Variants in FBXO10 observed in about 807,000 individuals in gnomAD.
FBXO10 encodes F-box only protein 10.
Under a neutral mutation model 80.7 loss-of-function variants are expected in FBXO10, and 39 were observed. The observed-to-expected ratio is 0.48, with a 90% confidence interval of 0.37 to 0.63. The LOEUF (loss-of-function observed/expected upper bound fraction) is 0.63, where lower values mean the gene tolerates loss of function less well. Among genes scored for constraint, FBXO10 ranks in the 30% least tolerant of loss-of-function variants. The pLI, the probability that FBXO10 is intolerant of heterozygous loss-of-function variation, is 0.00. For missense variants in FBXO10, 1,025 were observed against 1,269.0 expected (o/e 0.81, Z 2.92); for synonymous variants, 449 against 489.6 (o/e 0.92, Z 1.09).
At chr9:37,522,330 G>A in intron 7 of FBXO10, 8 of 998,988 alleles carry the variant, frequency 8.0e-6, no homozygotes, top group Non-Finnish European at 9.5e-6. Context: ...TGCATAGAAA[G>A]GGCTGAGTAG....
At chr9:37,519,393 G>T (rs954990965) in intron 8 of FBXO10, among the ~76,000 whole-genome samples, 1 of 152,194 alleles carries the variant, frequency 6.6e-6, no homozygotes, top group Non-Finnish European at 1.5e-5. Context: ...GAGCTCCATG[G>T]CTTGTCAGGA....
At chr9:37,556,516 G>A (rs1206077964) in intron 1 of FBXO10, among the ~76,000 whole-genome samples, 1 of 146,926 alleles carries the variant, frequency 6.8e-6, no homozygotes, top group East Asian at 2.0e-4. Context: ...AATCAGTTGA[G>A]GATATTTTTG....
intron 1 of FBXO10, among the ~76,000 whole-genome samples, chr9:37,554,993 T>C (rs953194113): frequency 2.6e-5 from 4 of 152,220 alleles, no homozygotes; most frequent in African/African-American, 4.8e-5. Context: ...AGAGAGGCTA[T>C]ACTATTTTAC....
At position 37,561,219 on chromosome 9, in the gene FBXO10, G is replaced by A. The variant is rs181719330; in HGVS notation, c.-7+14992C>T. On this transcript the variant is annotated intron_variant, in intron 1 of 10. Coordinates refer to ENST00000432825, the MANE Select transcript of FBXO10 (RefSeq NM_012166.3). The stretch of plus-strand genomic sequence containing the variant: ...TAAAGAAGTGAGGTCTCTCTGTGTT[G>A]CCCAGGCTGGAGTACAGTGGCAGGA... Among the ~76,000 whole-genome samples the A allele has an allele frequency of 3.9e-4, 54 of 138,572 alleles. No homozygotes were observed. The East Asian group carries it at 7.6e-3, about 19-fold the overall frequency. 90.9% of individuals were successfully genotyped at this position (138,572 alleles called of 152,430 possible).
chr9:37,549,738 C>T (rs943259258), intron 1 of FBXO10, among the ~76,000 whole-genome samples: 3 of 152,198 alleles, frequency 2.0e-5, no homozygotes, highest in Non-Finnish European at 2.9e-5. Context: ...TGAAGGAGAG[C>T]TCACTTGTTC....
chr9:37,559,751 T>G (rs1822430566), intron 1 of FBXO10, among the ~76,000 whole-genome samples: 1 of 152,216 alleles, frequency 6.6e-6, no homozygotes, highest in South Asian at 2.1e-4. Flanking sequence ...CTTGCTTTTC[T>G]CTGTGGCACA....
chr9:37,546,114 C>T (rs1822049280), intron 1 of FBXO10, among the ~76,000 whole-genome samples: 1 of 151,612 alleles, frequency 6.6e-6, no homozygotes. Flanking sequence ...CCACTGCACT[C>T]CAGCCAGAAC....
chr9:37,570,614 C>A (rs1028322472), intron 1 of FBXO10, among the ~76,000 whole-genome samples: 5 of 151,822 alleles, frequency 3.3e-5, no homozygotes, highest in Non-Finnish European at 7.4e-5. Flanking sequence ...CTACTAAAAC[C>A]AAAGAAGAAG....
At chr9:37,555,051 T>C (rs1822301439) in intron 1 of FBXO10, among the ~76,000 whole-genome samples, 3 of 151,282 alleles carry the variant, frequency 2.0e-5, no homozygotes, top group Admixed American at 2.0e-4. Flanking sequence ...ACATTTGTTG[T>C]GGTGTTTTTG....
chr9:37,570,643 TG>T (rs1330177832), intron 1 of FBXO10, among the ~76,000 whole-genome samples: 1 of 152,060 alleles, frequency 6.6e-6, no homozygotes, highest in Non-Finnish European at 1.5e-5. Flanking sequence ...AGCATTAAAA[TG>T]AAATCAGAAT....
chr9:37,556,830 C>T (rs1187476711), intron 1 of FBXO10, among the ~76,000 whole-genome samples: 1 of 152,128 alleles, frequency 6.6e-6, no homozygotes. Context: ...CAGGCGTGAG[C>T]CACCGCATCC....
intron 1 of FBXO10, among the ~76,000 whole-genome samples, chr9:37,570,798 T>C (rs1299912995): frequency 6.6e-6 from 1 of 152,138 alleles, no homozygotes; most frequent in Admixed American, 6.5e-5. Flanking sequence ...ATGGAGACCA[T>C]CCAGACCAAC....
chr9:37,575,957 G>A (rs1299542103), intron 1 of FBXO10, among the ~76,000 whole-genome samples: 2 of 152,216 alleles, frequency 1.3e-5, no homozygotes, highest in Non-Finnish European at 2.9e-5. Context: ...GTAGTTTTAC[G>A]GGAGGGTAAA....
intron 1 of FBXO10, among the ~76,000 whole-genome samples, chr9:37,560,959 G>A (rs1183514752): frequency 3.3e-5 from 5 of 152,066 alleles, no homozygotes; most frequent in Admixed American, 2.6e-4. Context: ...AGGCTAACAC[G>A]GTGAAACCCC....
intron 1 of FBXO10, among the ~76,000 whole-genome samples, chr9:37,556,416 C>G (rs555275297): frequency 1.7e-4 from 26 of 151,964 alleles, no homozygotes; most frequent in African/African-American, 6.0e-4. Flanking sequence ...TCTTTTTAGC[C>G]TATGGTTATC....
intron 5 of FBXO10, among the ~76,000 whole-genome samples, chr9:37,527,194 C>G (rs1476882358): frequency 6.6e-6 from 1 of 152,224 alleles, no homozygotes. Flanking sequence ...TCATAAGGGC[C>G]TGTGGTTACA....
chr9:37,528,497 A>G (rs1301761881), intron 5 of FBXO10, among the ~76,000 whole-genome samples: 1 of 151,934 alleles, frequency 6.6e-6, no homozygotes. Context: ...CCCTACCCCT[A>G]TCTCCATGAG....
intron 1 of FBXO10, among the ~76,000 whole-genome samples, chr9:37,572,621 A>G (rs898689163): frequency 6.6e-6 from 1 of 152,222 alleles, no homozygotes; most frequent in Admixed American, 6.5e-5. Flanking sequence ...TTGTTTAGGG[A>G]TATATACATA....
chr9:37,516,433 T>C (rs1364395684), intron 9 of FBXO10, among the ~76,000 whole-genome samples: 1 of 152,184 alleles, frequency 6.6e-6, no homozygotes, highest in Non-Finnish European at 1.5e-5. Flanking sequence ...CTCTCTCCCT[T>C]CCTCTGCTCC....
Sources: gnomAD v4.1 joint callset for allele counts (sites outside exome capture counted in the v4.1 genomes callset) on GRCh38, gnomAD v4.1.1 for gene constraint, MANE v1.5 for transcripts, NCBI Gene and HGNC (gene_info 2026-07-23, HGNC 2026-07-21) for gene names.